The following MRTFA variants were observed in gnomAD, a reference collection of about 807,000 sequenced individuals.
MRTFA encodes the protein myocardin-related transcription factor A.
Under a neutral mutation model 83.5 loss-of-function variants are expected in MRTFA, and 20 were observed. The observed-to-expected ratio is 0.24, with a 90% CI of 0.17 to 0.35. MRTFA has a LOEUF of 0.35. MRTFA is among the 10% of genes least tolerant of loss of function. The probability of loss-of-function intolerance (pLI) is 1.00; values close to 1 mark genes in which losing one functional copy is unlikely to be tolerated. For missense variants in MRTFA, 1,200 were observed against 1,224.7 expected (o/e 0.98, Z 0.30); for synonymous variants, 659 against 541.2 (o/e 1.22, Z -3.02).
At chr22:40,627,522 T>C (rs1160494877) in intron 1 of MRTFA, among the ~76,000 whole-genome samples, 1 of 152,226 alleles carries the variant, frequency 6.6e-6, no homozygotes, top group Non-Finnish European at 1.5e-5. Flanking sequence ...CACAGAATAT[T>C]TTCTGAGCTA....
At chr22:40,604,315 A>G (rs1355301495) in intron 1 of MRTFA, among the ~76,000 whole-genome samples, 5 of 151,734 alleles carry the variant, frequency 3.3e-5, no homozygotes, top group African/African-American at 4.8e-5. Flanking sequence ...TATTTTTGGT[A>G]GAGACAGGGT....
chr22:40,613,232 T>C (rs928701919), intron 1 of MRTFA, among the ~76,000 whole-genome samples: 1 of 152,236 alleles, frequency 6.6e-6, no homozygotes, highest in African/African-American at 2.4e-5. Flanking sequence ...TGTTTATCCA[T>C]TCACCTGTTG....
At chr22:40,554,102 C>A (rs1361573756) in intron 2 of MRTFA, among the ~76,000 whole-genome samples, 1 of 152,184 alleles carries the variant, frequency 6.6e-6, no homozygotes, top group East Asian at 1.9e-4. Flanking sequence ...CCTGTACCCC[C>A]CATTGTATCT....
At chr22:40,578,706 G>A (rs902338308) in intron 2 of MRTFA, among the ~76,000 whole-genome samples, 4 of 152,120 alleles carry the variant, frequency 2.6e-5, no homozygotes, top group Admixed American at 2.0e-4. Flanking sequence ...CGGATTGCTT[G>A]GGCCTAGGAG....
At chr22:40,566,248 T>A (rs899428631) in intron 2 of MRTFA, among the ~76,000 whole-genome samples, 6 of 148,706 alleles carry the variant, frequency 4.0e-5, no homozygotes, top group African/African-American at 1.5e-4. Context: ...TGAGACAGAG[T>A]CTCACTCTGT....
chr22:40,588,746 C>A (rs2056070575), intron 2 of MRTFA, among the ~76,000 whole-genome samples: 1 of 152,150 alleles, frequency 6.6e-6, no homozygotes. Context: ...CTTTGGGAAG[C>A]CAAAGGCAGA....
At chr22:40,420,362 G>C in intron 11 of MRTFA, 43 bp downstream of exon 11, 4 of 1,591,752 alleles carry the variant, frequency 2.5e-6, no homozygotes, top group Non-Finnish European at 3.4e-6. Flanking sequence ...CCTGTGGGAA[G>C]GGCCAGGCTG....
intron 4 of MRTFA, among the ~76,000 whole-genome samples, chr22:40,444,723 A>G (rs1354971226): frequency 6.6e-6 from 1 of 152,090 alleles, no homozygotes; most frequent in Non-Finnish European, 1.5e-5. Flanking sequence ...TCAGAACTGC[A>G]TGGAGGTGGG....
intron 3 of MRTFA, chr22:40,522,997 C>T (rs956181582): frequency 6.6e-6 from 1 of 152,036 alleles, no homozygotes; most frequent in African/African-American, 2.4e-5. Flanking sequence ...CATTCTTAGC[C>T]CCCCGTCTGT....
chr22:40,459,830 CATATATATATATATATATATAT>C (rs55885079), intron 4 of MRTFA, among the ~76,000 whole-genome samples: 1 of 86,952 alleles, frequency 1.2e-5, no homozygotes, highest in African/African-American at 4.9e-5. Context: ...CACATATATA[CATATATATATATATATATATAT>C]ATATATATAT....
At chr22:40,516,922 T>C (rs1318883592) in intron 3 of MRTFA, among the ~76,000 whole-genome samples, 1 of 149,132 alleles carries the variant, frequency 6.7e-6, no homozygotes, top group African/African-American at 2.5e-5. Context: ...AATTTTTTTC[T>C]TTTTTTTTTC....
At position 40,541,468 on chromosome 22, in the gene MRTFA, G is replaced by A. The variant is rs553982480; in HGVS notation, c.241+10638C>T. Reference sequence around the variant, plus strand: ...CTTTCCCCTAGACACCTCGTATTGGGCACCACTCAAAAGATAACATAACCC... The same window carrying A: ...CTTTCCCCTAGACACCTCGTATTGGACACCACTCAAAAGATAACATAACCC... On this transcript the variant is annotated intron_variant, in intron 3 of 14. Coordinates refer to ENST00000355630, the MANE Select transcript of MRTFA (RefSeq NM_020831.6). Among the ~76,000 whole-genome samples the A allele has an allele frequency of 5.9e-5, 9 of 152,204 alleles. No individual in the cohort carries two copies. In the South Asian group the frequency reaches 1.7e-3, roughly 28 times the overall value.
At chr22:40,548,747 C>A (rs2147307544) in intron 3 of MRTFA, among the ~76,000 whole-genome samples, 1 of 152,046 alleles carries the variant, frequency 6.6e-6, no homozygotes, top group Admixed American at 6.6e-5. Flanking sequence ...ACCTGTAGTC[C>A]CAGCTACTCA....
intron 3 of MRTFA, among the ~76,000 whole-genome samples, chr22:40,490,879 A>G (rs983104129): frequency 2.0e-5 from 3 of 152,194 alleles, no homozygotes; most frequent in Non-Finnish European, 4.4e-5. Context: ...AATATTGACA[A>G]TTCTCTTTTA....
intron 3 of MRTFA, among the ~76,000 whole-genome samples, chr22:40,535,429 T>C (rs934831610): frequency 7.2e-6 from 1 of 139,342 alleles, no homozygotes; most frequent in African/African-American, 2.7e-5. Flanking sequence ...CTCAGGTCAC[T>C]GCAGCCTCAA....
intron 4 of MRTFA, among the ~76,000 whole-genome samples, chr22:40,458,164 C>T (rs2053630617): frequency 6.6e-6 from 1 of 152,094 alleles, no homozygotes. Context: ...TGTCCTATCC[C>T]TCAAGATATG....
At chr22:40,480,665 C>T (rs1296603749) in intron 3 of MRTFA, among the ~76,000 whole-genome samples, 2 of 151,092 alleles carry the variant, frequency 1.3e-5, no homozygotes, top group South Asian at 2.1e-4. Flanking sequence ...GTTATTCAGG[C>T]TGGGCATGAT....
chr22:40,451,877 A>G (rs573221196), intron 4 of MRTFA, among the ~76,000 whole-genome samples: 1 of 151,882 alleles, frequency 6.6e-6, no homozygotes, highest in East Asian at 1.9e-4. Flanking sequence ...AAGTCCCCAT[A>G]ATCAATACGT....
chr22:40,606,327 C>T (rs933702383), intron 1 of MRTFA, among the ~76,000 whole-genome samples: 1 of 152,146 alleles, frequency 6.6e-6, no homozygotes, highest in Non-Finnish European at 1.5e-5. Flanking sequence ...TAGTTATGCT[C>T]AAAGAGATTT....
Sources: gnomAD v4.1 joint callset for allele counts (sites outside exome capture counted in the v4.1 genomes callset) on GRCh38, gnomAD v4.1.1 for gene constraint, MANE v1.5 for transcripts, NCBI Gene and HGNC (gene_info 2026-07-23, HGNC 2026-07-21) for gene names.